Variants in SLC7A2 observed in about 807,000 individuals in gnomAD.
SLC7A2 encodes cationic amino acid transporter 2.
In SLC7A2, 48 loss-of-function variants were observed where a neutral mutation model predicts 58.9. The observed-to-expected ratio is 0.82, with a 90% CI of 0.65 to 1.04. SLC7A2 has a LOEUF of 1.04. Ranked by LOEUF, SLC7A2 falls within the 50% of genes least tolerant of loss-of-function variation. The probability of loss-of-function intolerance (pLI) is 0.00; values close to 1 mark genes in which losing one functional copy is unlikely to be tolerated. For missense variants in SLC7A2, 1,029 were observed against 818.8 expected (o/e 1.26, Z -3.13); for synonymous variants, 363 against 314.5 (o/e 1.15, Z -1.63).
chr8:17,495,206 G>A (rs1280975557), upstream of SLC7A2, among the ~76,000 whole-genome samples: 2 of 152,090 alleles, frequency 1.3e-5, no homozygotes, highest in East Asian at 1.9e-4. Flanking sequence ...CTCCTCGAGT[G>A]CCAGGGCAAC....
intron 2 of SLC7A2, among the ~76,000 whole-genome samples, chr8:17,529,828 C>T (rs1051512375): frequency 6.6e-6 from 1 of 152,072 alleles, no homozygotes; most frequent in African/African-American, 2.4e-5. Flanking sequence ...TGAGTCACCA[C>T]GCCTGGCCCA....
intron 11 of SLC7A2, 27 bp from the exon 12 acceptor site, chr8:17,563,576 G>T (rs377739534): frequency 7.2e-7 from 1 of 1,386,240 alleles, no homozygotes; most frequent in Non-Finnish European, 1.0e-6. Context: ...ATATGAGTAT[G>T]TTCAAAAGGA....
At chr8:17,530,635 C>T (rs1316926041) in intron 2 of SLC7A2, among the ~76,000 whole-genome samples, 1 of 150,732 alleles carries the variant, frequency 6.6e-6, no homozygotes, top group Non-Finnish European at 1.5e-5. Flanking sequence ...TGCGGTGGTG[C>T]AATCTCGACT....
At chr8:17,534,170 G>T (rs1286630097) in intron 2 of SLC7A2, among the ~76,000 whole-genome samples, 2 of 151,962 alleles carry the variant, frequency 1.3e-5, no homozygotes, top group Admixed American at 1.3e-4. Context: ...ATTATTGATG[G>T]GCACAGGCTA....
rs987756280 is a variant in SLC7A2 at position 17,553,137 on chromosome 8, C to T, written c.1055+1151C>T. On this transcript the variant is annotated intron_variant, in intron 7 of 12. Coordinates refer to ENST00000494857, the MANE Select transcript of SLC7A2 (RefSeq NM_001370338.1). ...AGCATAATCATAGTTCACTGAGGCTCGAACTCCTGGGTTCAAGTGATCTCC... is the reference window on the plus strand; with the variant it reads ...AGCATAATCATAGTTCACTGAGGCTTGAACTCCTGGGTTCAAGTGATCTCC... Among the ~76,000 whole-genome samples the T allele has an allele frequency of 5.9e-5, 9 of 152,234 alleles. No individual in the cohort carries two copies. In the South Asian group the frequency reaches 6.2e-4, roughly 11 times the overall value.
chr8:17,553,292 C>T (rs1242195424), intron 7 of SLC7A2, among the ~76,000 whole-genome samples: 1 of 152,136 alleles, frequency 6.6e-6, no homozygotes, highest in Non-Finnish European at 1.5e-5. Context: ...CTCAAGCTAT[C>T]CTCTCACCTC....
chr8:17,564,870 T>C (rs935326944), intron 12 of SLC7A2, 80 bp from the exon 13 acceptor site: 1 of 1,185,094 alleles, frequency 8.4e-7, no homozygotes, highest in African/African-American at 1.5e-5. Flanking sequence ...TATTAAGTTC[T>C]ACATTTTCCA....
At chr8:17,540,137 C>G (rs1177262238) in intron 2 of SLC7A2, among the ~76,000 whole-genome samples, 2 of 152,114 alleles carry the variant, frequency 1.3e-5, no homozygotes, top group African/African-American at 2.4e-5. Context: ...GCATGATACA[C>G]CTGCTAGGAC....
intron 2 of SLC7A2, among the ~76,000 whole-genome samples, chr8:17,512,282 C>T (rs1800634783): frequency 6.6e-6 from 1 of 152,130 alleles, no homozygotes; most frequent in African/African-American, 2.4e-5. Context: ...AGGCACAGCT[C>T]ACCCCTGTAA....
chr8:17,543,330 A>G lies in SLC7A2; in HGVS notation c.-10A>G. 6.2e-7 allele frequency: 1 copy of G among 1,604,394 alleles called. No individual in the cohort carries two copies. Among genetic ancestry groups the G allele is most frequent in the Non-Finnish European group, 8.5e-7 (1 of 1,175,364 alleles). On this transcript the variant is annotated 5_prime_UTR_variant, in exon 3 of 13. Transcript: ENST00000494857. ...CCCTTCTGCTCAGGTCGCCTTCGTC[A>G]GACGTCAGAATGATTCCTTGCAGAG...
chr8:17,497,062 A>G (rs1435340143), upstream of SLC7A2: 2 of 150,830 alleles, frequency 1.3e-5, no homozygotes, highest in Middle Eastern at 3.4e-3. Context: ...GGGTGGCTAC[A>G]CAGAGGGGCG....
rs1803295721 is a variant in SLC7A2 at position 17,567,010 on chromosome 8, G to A, written c.*1864G>A. The A allele has an allele frequency of 6.6e-6, 1 of 152,614 alleles. No individual in the cohort carries two copies. Among genetic ancestry groups the A allele is most frequent in the South Asian group, 2.1e-4 (1 of 4,828 alleles). The allele number at this position is 152,614 out of a possible 1,614,324, so 9.5% of individuals were successfully genotyped here. A position where few individuals can be genotyped will look rare whatever the true frequency, so the allele number is the denominator to read the frequency against. On this transcript the variant is annotated 3_prime_UTR_variant, in exon 13 of 13. Transcript: ENST00000494857. Reference sequence around the variant, plus strand: ...TTGTGATTAAACATCAAAGAAACAGGTAGAAAGCCTGGGTTTCTGGCTGCT... The same window carrying A: ...TTGTGATTAAACATCAAAGAAACAGATAGAAAGCCTGGGTTTCTGGCTGCT...
chr8:17,559,062 A>T (rs1802839876), intron 9 of SLC7A2, among the ~76,000 whole-genome samples: 1 of 152,126 alleles, frequency 6.6e-6, no homozygotes, highest in South Asian at 2.1e-4. Flanking sequence ...CTGGTTTTGA[A>T]TTTCTCCTGT....
chr8:17,555,147 T>A, intron 8 of SLC7A2: 1 of 1,497,030 alleles, frequency 6.7e-7, no homozygotes, highest in Non-Finnish European at 9.2e-7. Context: ...ATGCATGGAC[T>A]TATAAAGAGG....
intron 4 of SLC7A2, 50 bp downstream of exon 4, chr8:17,544,656 T>A (rs1802081719): frequency 9.7e-6 from 15 of 1,544,312 alleles, no homozygotes; most frequent in Non-Finnish European, 1.3e-5. Context: ...ACTATTTGTC[T>A]CAGGAAAATA....
upstream of SLC7A2, among the ~76,000 whole-genome samples, chr8:17,494,940 G>A (rs1397634075): frequency 6.6e-6 from 1 of 152,168 alleles, no homozygotes; most frequent in African/African-American, 2.4e-5. Flanking sequence ...GTGCGCCGGC[G>A]GGCAGATTGG....
At chr8:17,502,583 CA>C (rs1263004391) in intron 2 of SLC7A2, among the ~76,000 whole-genome samples, 1 of 152,178 alleles carries the variant, frequency 6.6e-6, no homozygotes, top group Non-Finnish European at 1.5e-5. Context: ...ATCACTGATT[CA>C]CTTTCCAGGT....
chr8:17,558,023 T>C (rs1275877700), intron 8 of SLC7A2, among the ~76,000 whole-genome samples: 2 of 152,216 alleles, frequency 1.3e-5, no homozygotes, highest in Admixed American at 1.3e-4. Flanking sequence ...ATGTTTTCAC[T>C]CTTTGTCAGG....
At chr8:17,553,535 C>A (rs1041274478) in intron 7 of SLC7A2, among the ~76,000 whole-genome samples, 1 of 152,186 alleles carries the variant, frequency 6.6e-6, no homozygotes, top group Admixed American at 6.5e-5. Context: ...CTTTGGGACA[C>A]CGAGGCGGGA....
Sources: gnomAD v4.1 joint callset for allele counts (sites outside exome capture counted in the v4.1 genomes callset) on GRCh38, gnomAD v4.1.1 for gene constraint, MANE v1.5 for transcripts, NCBI Gene and HGNC (gene_info 2026-07-23, HGNC 2026-07-21) for gene names.